USP54: variants seen among roughly 807,000 people sequenced by gnomAD.
USP54 encodes ubiquitin specific peptidase 54, also known as ubiquitin carboxyl-terminal hydrolase 54.
In USP54, 87 loss-of-function variants were observed where a neutral mutation model predicts 170.5. That is an observed-to-expected ratio of 0.51 (90% CI 0.43 to 0.61). The LOEUF is 0.61. Ranked by LOEUF, USP54 falls within the 20% of genes least tolerant of loss-of-function variation. The pLI is 0.00. For missense variants in USP54, 1,786 were observed against 2,047.8 expected (o/e 0.87, Z 2.47); for synonymous variants, 655 against 742.8 (o/e 0.88, Z 1.92).
chr10:73,540,180 C>T (rs1277534328), intron 9 of USP54, among the ~76,000 whole-genome samples: 1 of 151,564 alleles, frequency 6.6e-6, no homozygotes, highest in African/African-American at 2.4e-5. Context: ...CAGATAGTGG[C>T]CAGTAAACTG....
At chr10:73,574,685 G>A (rs917470256) in intron 3 of USP54, among the ~76,000 whole-genome samples, 1 of 152,014 alleles carries the variant, frequency 6.6e-6, no homozygotes, top group Non-Finnish European at 1.5e-5. Flanking sequence ...GCTGAGGCAT[G>A]AGAATTGCTT....
chr10:73,585,948 T>C (rs1589311809), intron 1 of USP54, among the ~76,000 whole-genome samples: 1 of 151,988 alleles, frequency 6.6e-6, no homozygotes, highest in Non-Finnish European at 1.5e-5. Flanking sequence ...GAGGCAGAGG[T>C]TGCAGTGAGC....
intron 16 of USP54, among the ~76,000 whole-genome samples, chr10:73,525,363 T>C (rs964691434): frequency 6.6e-6 from 1 of 152,190 alleles, no homozygotes; most frequent in Non-Finnish European, 1.5e-5. Context: ...TTGTGGCGCA[T>C]AAATAGGGCT....
intron 4 of USP54, among the ~76,000 whole-genome samples, chr10:73,569,034 C>T (rs2074442985): frequency 6.6e-6 from 1 of 152,172 alleles, no homozygotes; most frequent in Non-Finnish European, 1.5e-5. Flanking sequence ...ATAGCACAGT[C>T]CCGACTAGTC....
rs1346106865 is a variant in USP54 at position 73,510,119 on chromosome 10, G to A, written c.4052-4693C>T. On this transcript the variant is annotated intron_variant, in intron 20 of 23. Coordinates refer to ENST00000687698, the MANE Select transcript of USP54 (RefSeq NM_001391956.1). ...TGGGAGGCCAAGGCGGGCGGATCAC[G>A]TGGTCAGGAGATGGAGACCATCCTG... 9.2e-5 allele frequency among the ~76,000 whole-genome samples: 14 copies of A among 152,262 alleles called. No homozygotes were observed. In the East Asian group the frequency reaches 2.5e-3, roughly 27 times the overall value.
At chr10:73,613,132 CTTTTTTT>C (rs967595386) in intron 1 of USP54, among the ~76,000 whole-genome samples, 2 of 127,416 alleles carry the variant, frequency 1.6e-5, no homozygotes, top group African/African-American at 6.0e-5. Context: ...ATTCCAGCCT[CTTTTTTT>C]TTTTTTTTTT....
In USP54 at chr10:73,541,628, C is replaced by T; in HGVS notation, c.678+5G>A. 1 of 1,614,140 alleles carries T rather than the reference C, an allele frequency of 6.2e-7. No individual in the cohort carries two copies. Among genetic ancestry groups the T allele is most frequent in the Non-Finnish European group, 8.5e-7 (1 of 1,180,014 alleles). Reference sequence around the variant, plus strand: ...ACTCCAAACCCCACCCCTGATTTAACTCACTGGACAGTTCCGCAGATCCCC... The same window carrying T: ...ACTCCAAACCCCACCCCTGATTTAATTCACTGGACAGTTCCGCAGATCCCC... On this transcript the variant is annotated splice_donor_5th_base_variant and intron_variant, in intron 8 of 23. Transcript: ENST00000687698.
At chr10:73,520,843 C>T (rs1051814570) in intron 18 of USP54, 65 bp downstream of exon 18, 1 of 1,605,278 alleles carries the variant, frequency 6.2e-7, no homozygotes, top group Non-Finnish European at 8.5e-7. Context: ...TGAGTGACAA[C>T]ACTAATAATA....
intron 4 of USP54, among the ~76,000 whole-genome samples, chr10:73,559,142 C>T (rs72814316): frequency 1.3e-5 from 2 of 152,302 alleles, no homozygotes; most frequent in Non-Finnish European, 2.9e-5. Context: ...ATTTTACAAC[C>T]AGGCATAGTT....
chr10:73,608,097 C>T (rs1226722523), intron 1 of USP54, among the ~76,000 whole-genome samples: 1 of 151,660 alleles, frequency 6.6e-6, no homozygotes, highest in Non-Finnish European at 1.5e-5. Context: ...CTGTCCCTAA[C>T]AAAAATACAA....
chr10:73,598,514 C>CG (rs2078911651), intron 1 of USP54, among the ~76,000 whole-genome samples: 1 of 152,174 alleles, frequency 6.6e-6, no homozygotes, highest in Non-Finnish European at 1.5e-5. Flanking sequence ...CAGTGGCTCA[C>CG]GCCTGTACTC....
chr10:73,516,652 C>T lies in USP54; in HGVS notation c.3774G>A (p.Leu1258=). 1.2e-6 allele frequency: 2 copies of T among 1,614,212 alleles called. No homozygotes were observed. Among genetic ancestry groups the T allele is most frequent in the Middle Eastern group, 3.3e-4 (2 of 6,062 alleles). ...TGATATTCACCCAGGAATCCAAAGG[C>T]AAGGAAGTCCCCAAGTCAGTACTGC... ...LGSSTDLGTS[L]PLDSWVNITR... is the part of the protein sequence containing the mutation. The change falls in exon 20 of 24, where the codon TTG becomes TTA. Residue 1258 remains leucine, a synonymous_variant. Transcript: ENST00000687698.
Position 73,612,718 on chromosome 10 carries a change from T to C in USP54, c.-18+12849A>G, listed in dbSNP as rs535733511. On this transcript the variant is annotated intron_variant, in intron 1 of 22. Coordinates refer to the USP54 transcript ENST00000339859. ...TAAGCTGAGCGTGGTGGTGCATGCC[T>C]GTACCCCACTTACTCAGGAAGCTGA... is the stretch of plus-strand genomic sequence containing the variant. Among the ~76,000 whole-genome samples the C allele has an allele frequency of 2.1e-4, 32 of 151,432 alleles. No homozygotes were observed. In the East Asian group the frequency reaches 5.8e-3, roughly 28 times the overall value.
chr10:73,507,167 A>G (rs539810738), intron 20 of USP54: 43 of 151,996 alleles, frequency 2.8e-4, no homozygotes, highest in African/African-American at 9.4e-4. Flanking sequence ...GTAGGTCTAC[A>G]TAGGATTGTA....
intron 4 of USP54, among the ~76,000 whole-genome samples, chr10:73,563,868 A>G (rs552457628): frequency 3.4e-4 from 52 of 152,234 alleles, no homozygotes; most frequent in Admixed American, 7.2e-4. Flanking sequence ...GAGTCTTTAG[A>G]TGAATGAAAG....
At chr10:73,624,008 C>T (rs2081281235) in intron 1 of USP54, among the ~76,000 whole-genome samples, 1 of 151,758 alleles carries the variant, frequency 6.6e-6, no homozygotes, top group Admixed American at 6.6e-5. Context: ...ACTCAACCAC[C>T]ACACAAAGCT....
chr10:73,577,012 C>T (rs1225585856), intron 1 of USP54, among the ~76,000 whole-genome samples: 1 of 152,180 alleles, frequency 6.6e-6, no homozygotes, highest in African/African-American at 2.4e-5. Flanking sequence ...CAAGGGCTCA[C>T]AATCAGAGGC....
rs575048369 is a variant in USP54, at chr10:73,516,072, G to A, written c.4051+303C>T. 9.3e-4 allele frequency: 225 copies of A among 241,658 alleles called. 3 individuals are homozygous for A. Among genetic ancestry groups the A allele is most frequent in the Non-Finnish European group, 1.4e-3 (177 of 125,380 alleles). 15.0% of individuals were successfully genotyped at this position (241,658 alleles called of 1,614,324 possible). On this transcript the variant is annotated intron_variant, in intron 20 of 23. Coordinates refer to ENST00000687698, the MANE Select transcript of USP54 (RefSeq NM_001391956.1). ...GCTGGGATTACAGGAGTGAGCCACC[G>A]TGCCCGGCCCTGAACCATTCTTTAG...
intron 1 of USP54, among the ~76,000 whole-genome samples, chr10:73,621,278 C>T (rs1025757443): frequency 6.7e-6 from 1 of 149,408 alleles, no homozygotes; most frequent in African/African-American, 2.5e-5. Flanking sequence ...ACATGTGACA[C>T]ATACATACAT....
Sources: allele counts gnomAD v4.1 joint callset (sites outside exome capture counted in the v4.1 genomes callset), GRCh38; gene constraint gnomAD v4.1.1; transcripts MANE v1.5; gene names NCBI Gene and HGNC (gene_info 2026-07-23, HGNC 2026-07-21).